DHRS7: variants seen among roughly 807,000 people sequenced by gnomAD.
DHRS7 encodes the protein dehydrogenase/reductase SDR family member 7.
A neutral mutation model predicts 38.9 loss-of-function variants in DHRS7; 34 were observed. The ratio of observed to expected loss-of-function variants is 0.87; its 90% CI spans 0.66 to 1.16. The LOEUF (loss-of-function observed/expected upper bound fraction) is 1.16. Among genes scored for constraint, DHRS7 ranks in the 50% most tolerant of loss-of-function variants. The probability of loss-of-function intolerance (pLI) is 0.00; values close to 1 mark genes in which losing one functional copy is unlikely to be tolerated. For synonymous variants in DHRS7, 158 were observed against 153.1 expected (o/e 1.03, Z -0.24); for missense variants, 421 against 407.0 (o/e 1.03, Z -0.30).
In DHRS7 at chr14:60,161,213, T is replaced by A; in HGVS notation, c.133+3964A>T. On this transcript the variant is annotated intron_variant, in intron 1 of 6. Transcript: ENST00000557185. The surrounding 1 kb of genome is among the most constrained non-coding windows in gnomAD (Gnocchi z 4.2). ...TATCAGAAGTAATACTAAAATGTTATAATAGGAAAAGGGATCCACTAATAT... is the reference window on the plus strand; with the variant it reads ...TATCAGAAGTAATACTAAAATGTTAAAATAGGAAAAGGGATCCACTAATAT... Among the ~76,000 whole-genome samples the A allele has an allele frequency of 6.6e-6, 1 of 152,300 alleles. No individual in the cohort carries two copies. The highest frequency in any genetic ancestry group is 1.9e-4 in the East Asian group (1 of 5,174).
intron 1 of DHRS7, among the ~76,000 whole-genome samples, chr14:60,163,510 A>G (rs1217316785): frequency 6.6e-6 from 1 of 152,220 alleles, no homozygotes; most frequent in African/African-American, 2.4e-5. Flanking sequence ...ATCAAACTAC[A>G]TGTGCAAATT....
chr14:60,164,412 G>A (rs959747486), intron 1 of DHRS7, among the ~76,000 whole-genome samples: 1 of 152,026 alleles, frequency 6.6e-6, no homozygotes, highest in Non-Finnish European at 1.5e-5. Context: ...CTTTCGGTAG[G>A]TCATTTAATT....
At chr14:60,147,518 TAAAG>T (rs1896438948) in intron 6 of DHRS7, 1 of 152,214 alleles carries the variant, frequency 6.6e-6, no homozygotes, top group South Asian at 2.1e-4. Flanking sequence ...GTGTCAATTA[TAAAG>T]AAAATCTTTG....
rs1896352753 is a variant in DHRS7 at position 60,144,695 on chromosome 14, A to C, written c.*271T>G. 2 of 333,378 alleles carry C rather than the reference A, an allele frequency of 6.0e-6. No individual in the cohort carries two copies. The highest frequency in any genetic ancestry group is 1.4e-4 in the East Asian group (2 of 14,268). The allele number at this position is 333,378 out of a possible 1,614,324, so 20.7% of individuals were successfully genotyped here. ...TAGCAGCACAAATGGACTAAGACAA[A>C]TCTGTTAACTTAGATTTTAAGCATA... On this transcript the variant is annotated 3_prime_UTR_variant, in exon 7 of 7. Transcript: ENST00000557185.
upstream of DHRS7, among the ~76,000 whole-genome samples, chr14:60,167,669 G>A (rs945610137): frequency 6.6e-6 from 1 of 152,130 alleles, no homozygotes; most frequent in Non-Finnish European, 1.5e-5. Flanking sequence ...CCTAGGCGGG[G>A]GAAAAAAAGA....
At position 60,145,979 on chromosome 14, in the gene DHRS7, C is replaced by T. The variant is rs1896396219; in HGVS notation, c.973-966G>A. On this transcript the variant is annotated intron_variant, in intron 6 of 6. Transcript: ENST00000557185. The surrounding 1 kb of genome is among the most constrained non-coding windows in gnomAD (Gnocchi z 4.0). ...ATTAGCTTGAAATAAGCTATGCTAGCATTTTCTTAACTTAGACGCTTATCA... is the reference window on the plus strand; with the variant it reads ...ATTAGCTTGAAATAAGCTATGCTAGTATTTTCTTAACTTAGACGCTTATCA... 1 of 150,478 alleles carries T rather than the reference C, an allele frequency of 6.6e-6. No homozygotes were observed. The highest frequency in any genetic ancestry group is 2.4e-5 in the African/African-American group (1 of 41,122). The allele number at this position is 150,478 out of a possible 1,614,324, so 9.3% of individuals were successfully genotyped here.
chr14:60,148,514 G>A lies in DHRS7; in HGVS notation c.972+839C>T, dbSNP rs1265898345. On this transcript the variant is annotated intron_variant, in intron 6 of 6. Coordinates refer to ENST00000557185, the MANE Select transcript of DHRS7 (RefSeq NM_016029.4). This position sits in a 1 kb window ranked among gnomAD's most constrained non-coding sequence, Gnocchi z 4.8. ...CCTGACTAATTGCTATAAAGAATGA[G>A]TGCTGAAAGAATGATAATCAGCATA... Among the ~76,000 whole-genome samples the A allele has an allele frequency of 6.6e-6, 1 of 152,206 alleles. No homozygotes were observed. The highest frequency in any genetic ancestry group is 1.5e-5 in the Non-Finnish European group (1 of 68,032).
At position 60,150,194 on chromosome 14, in the gene DHRS7, GACAA is replaced by G; in HGVS notation, c.634-11_634-8del. The G allele has an allele frequency of 8.9e-7, 1 of 1,119,768 alleles. No individual in the cohort carries two copies. The allele number at this position is 1,119,768 out of a possible 1,614,324, so 69.4% of individuals were successfully genotyped here. ...GAAGGCCATTAAAAAAACCCTAACAGACAAAAAAAAAAAAAAAGGAAAAAGGCAA... is the reference window on the plus strand; with the variant it reads ...GAAGGCCATTAAAAAAACCCTAACAGAAAAAAAAAAAAAGGAAAAAGGCAA... On this transcript the variant is annotated splice_polypyrimidine_tract_variant and splice_region_variant and intron_variant, in intron 4 of 6. Coordinates refer to ENST00000557185, the MANE Select transcript of DHRS7 (RefSeq NM_016029.4).
upstream of DHRS7, chr14:60,168,565 A>G (rs1896894619): frequency 1.0e-5 from 12 of 1,160,656 alleles, no homozygotes; most frequent in East Asian, 2.6e-5. Context: ...CTGTGAATCT[A>G]TAATCATTTT....
rs1689111526 is a variant in DHRS7 at position 60,148,027 on chromosome 14, CTG to C, written c.972+1324_972+1325del. 1 of 152,226 alleles carries C rather than the reference CTG, an allele frequency of 6.6e-6. No homozygotes were observed. Among genetic ancestry groups the C allele is most frequent in the African/African-American group, 2.4e-5 (1 of 41,448 alleles). The allele number at this position is 152,226 out of a possible 1,614,324, so 9.4% of individuals were successfully genotyped here. Reference sequence around the variant, plus strand: ...CATAAGGGATCTGGCCCAAAGCAAACTGTTCCACATTACTACTTGGTAGAAAA... The same window carrying C: ...CATAAGGGATCTGGCCCAAAGCAAACTTCCACATTACTACTTGGTAGAAAA... On this transcript the variant is annotated intron_variant, in intron 6 of 6. Transcript: ENST00000557185. The surrounding 1 kb of genome is among the most constrained non-coding windows in gnomAD (Gnocchi z 4.8).
In DHRS7 at chr14:60,165,331, C is replaced by CG. The variant is rs757107121; in HGVS notation, c.-23dup. ...TCATTGCGGCCGCGCACGCCCAGCT[C>CG]GGGGGGAAGAAGACGGCCCGCACCA... is the stretch of plus-strand genomic sequence containing the variant. On this transcript the variant is annotated 5_prime_UTR_variant, in exon 1 of 7. Coordinates refer to ENST00000557185, the MANE Select transcript of DHRS7 (RefSeq NM_016029.4). The surrounding 1 kb of genome is among the most constrained non-coding windows in gnomAD (Gnocchi z 4.6). 1.9e-5 allele frequency: 29 copies of CG among 1,562,582 alleles called. No individual in the cohort carries two copies. Among genetic ancestry groups the CG allele is most frequent in the Non-Finnish European group, 2.3e-5 (27 of 1,158,554 alleles).
At chr14:60,147,899 C>T (rs983194671) in intron 6 of DHRS7, 1 of 152,230 alleles carries the variant, frequency 6.6e-6, no homozygotes, top group African/African-American at 2.4e-5. Flanking sequence ...AAAGCTACTG[C>T]ATCAGCTGTC....
rs1022555444 is a variant in DHRS7, at chr14:60,155,983, A to G, written c.286+17T>C. The G allele has an allele frequency of 6.6e-7, 1 of 1,519,724 alleles. No individual in the cohort carries two copies. The highest frequency in any genetic ancestry group is 1.3e-5 in the South Asian group (1 of 78,654). 94.1% of individuals were successfully genotyped at this position (1,519,724 alleles called of 1,614,324 possible). A position where few individuals can be genotyped will look rare whatever the true frequency, so the allele number is the denominator to read the frequency against. On this transcript the variant is annotated intron_variant, in intron 2 of 6. Coordinates refer to ENST00000557185, the MANE Select transcript of DHRS7 (RefSeq NM_016029.4). ...TTTATTTCTAGGAAGCACCGCTGCTATTTCAGATCCGCTTACCTAGGCATC... is the reference window on the plus strand; with the variant it reads ...TTTATTTCTAGGAAGCACCGCTGCTGTTTCAGATCCGCTTACCTAGGCATC...
At position 60,145,942 on chromosome 14, in the gene DHRS7, T is replaced by C. The variant is rs1896395205; in HGVS notation, c.973-929A>G. 6.6e-6 allele frequency: 1 copy of C among 151,402 alleles called. No homozygotes were observed. The highest frequency in any genetic ancestry group is 2.4e-5 in the African/African-American group (1 of 41,308). 9.4% of individuals were successfully genotyped at this position (151,402 alleles called of 1,614,324 possible). A position where few individuals can be genotyped will look rare whatever the true frequency, so the allele number is the denominator to read the frequency against. On this transcript the variant is annotated intron_variant, in intron 6 of 6. Coordinates refer to ENST00000557185, the MANE Select transcript of DHRS7 (RefSeq NM_016029.4). The surrounding 1 kb of genome is among the most constrained non-coding windows in gnomAD (Gnocchi z 4.0). ...TACAGACTAAAGAAGCAAATTCTAG[T>C]TAACAAGTACTATTAGCTTGAAATA...
chr14:60,165,713 C>T (rs1177488535), upstream of DHRS7: 3 of 976,482 alleles, frequency 3.1e-6, no homozygotes, highest in Non-Finnish European at 3.6e-6. This position sits in a 1 kb window ranked among gnomAD's most constrained non-coding sequence, Gnocchi z 4.6. Context: ...ACACTATCAA[C>T]GGCCAGGAGA....
chr14:60,155,537 C>T (rs1019386299), intron 2 of DHRS7, among the ~76,000 whole-genome samples: 6 of 152,120 alleles, frequency 3.9e-5, no homozygotes, highest in Non-Finnish European at 7.4e-5. Flanking sequence ...AGTATTACCT[C>T]AAGTTGTATT....
intron 1 of DHRS7, among the ~76,000 whole-genome samples, chr14:60,160,329 C>CA (rs1264197897): frequency 1.2e-3 from 139 of 116,876 alleles, no homozygotes; most frequent in Non-Finnish European, 2.0e-3. Flanking sequence ...AAACAAAAAA[C>CA]AAAAAAAAAA....
At chr14:60,164,019 A>C (rs560415541) in intron 1 of DHRS7, among the ~76,000 whole-genome samples, 2 of 152,252 alleles carry the variant, frequency 1.3e-5, no homozygotes, top group East Asian at 3.9e-4. Context: ...GTTTTGTAGC[A>C]CTGCTGTGGC....
At chr14:60,156,420 A>G (rs192970649) in intron 1 of DHRS7, among the ~76,000 whole-genome samples, 1 of 152,280 alleles carries the variant, frequency 6.6e-6, no homozygotes, top group Admixed American at 6.5e-5. Context: ...CTTTACTTCA[A>G]GGTAAGCCTT....
Sources: gnomAD v4.1 joint callset for allele counts (sites outside exome capture counted in the v4.1 genomes callset) on GRCh38, gnomAD v4.1.1 for gene constraint, Gnocchi (gnomAD v3.1) non-coding constraint, MANE v1.5 for transcripts, NCBI Gene and HGNC (gene_info 2026-07-23, HGNC 2026-07-21) for gene names.